The following SEC11C variants were observed in gnomAD, a reference collection of about 807,000 sequenced individuals.
The protein encoded by SEC11C is SEC11 homolog C, signal peptidase complex subunit.
A neutral mutation model predicts 21.9 loss-of-function variants in SEC11C; 10 were observed. The ratio of observed to expected loss-of-function variants is 0.46; its 90% CI spans 0.28 to 0.77. The LOEUF (loss-of-function observed/expected upper bound fraction) is 0.77, where lower values mean the gene tolerates loss of function less well. Ranked by LOEUF, SEC11C falls within the 30% of genes least tolerant of loss-of-function variation. SEC11C has a pLI of 0.12. For synonymous variants in SEC11C, 83 were observed against 85.6 expected (o/e 0.97, Z 0.17); for missense variants, 145 against 244.5 (o/e 0.59, Z 2.71).
At chr18:59,155,835 A>C in intron 4 of SEC11C, 28 bp downstream of exon 4, 1 of 1,608,256 alleles carries the variant, frequency 6.2e-7, no homozygotes, top group Admixed American at 1.7e-5. Context: ...AGTTATATAG[A>C]AGGTTATGAA....
intron 1 of SEC11C, among the ~76,000 whole-genome samples, chr18:59,148,910 C>T (rs2069313752): frequency 6.6e-6 from 1 of 152,222 alleles, no homozygotes; most frequent in Admixed American, 6.5e-5. Flanking sequence ...CCACTGTGCC[C>T]AGCCCCACCT....
At chr18:59,153,927 G>A (rs150103272) in intron 3 of SEC11C, among the ~76,000 whole-genome samples, 2 of 151,940 alleles carry the variant, frequency 1.3e-5, no homozygotes, top group African/African-American at 2.4e-5. Flanking sequence ...GGCTGATCTC[G>A]AACTCCTGAC....
At chr18:59,141,650 TA>T (rs1568062753) in intron 1 of SEC11C, among the ~76,000 whole-genome samples, 1 of 150,520 alleles carries the variant, frequency 6.6e-6, no homozygotes, top group African/African-American at 2.5e-5. Flanking sequence ...TGGTACTTTT[TA>T]AAAAAGCTTT....
chr18:59,149,787 GT>G (rs58746048), intron 2 of SEC11C, among the ~76,000 whole-genome samples, 165 bp downstream of exon 2: 2 of 151,644 alleles, frequency 1.3e-5, no homozygotes, highest in African/African-American at 2.4e-5. Context: ...AAAATGTTTC[GT>G]TTTTTTTCTG....
intron 1 of SEC11C, among the ~76,000 whole-genome samples, chr18:59,142,608 A>G (rs1189548332): frequency 2.0e-5 from 3 of 152,314 alleles, no homozygotes; most frequent in East Asian, 1.9e-4. Context: ...CTTTAGAAGC[A>G]GTGTTTTGTT....
At chr18:59,140,075 G>C in intron 1 of SEC11C, 40 bp downstream of exon 1, 1 of 1,526,802 alleles carries the variant, frequency 6.5e-7, no homozygotes, top group Non-Finnish European at 8.9e-7. Context: ...GGCCGGGACC[G>C]CCTGTGCTAG....
At chr18:59,151,197 T>C (rs538483667) in intron 2 of SEC11C, among the ~76,000 whole-genome samples, 4 of 152,356 alleles carry the variant, frequency 2.6e-5, no homozygotes, top group South Asian at 4.1e-4. Flanking sequence ...TGCAGGGATC[T>C]TTTCCTAGCT....
Position 59,139,968 on chromosome 18 carries a change from T to G in SEC11C, c.20T>G (p.Val7Gly). Residue 7 changes from valine to glycine, a missense_variant, in exon 1 of 6, where the codon GTG becomes GGG. Physicochemically the swap from Val to Gly is moderately radical, Grantham distance 109. Coordinates refer to ENST00000587834, the MANE Select transcript of SEC11C (RefSeq NM_033280.4). MVRAGA[V>G]GAHLPASGLD... is the part of the protein sequence containing the mutation. The stretch of plus-strand genomic sequence containing the variant: ...CCTGCTATGGTGCGTGCGGGCGCCG[T>G]GGGGGCTCATCTCCCCGCGTCCGGC... 2 of 1,590,498 alleles carry G rather than the reference T, an allele frequency of 1.3e-6. No individual in the cohort carries two copies. The highest frequency in any genetic ancestry group is 1.1e-5 in the South Asian group (1 of 88,570).
intron 5 of SEC11C, among the ~76,000 whole-genome samples, 158 bp downstream of exon 5, chr18:59,157,823 GCAA>G (rs1014183728): frequency 4.6e-5 from 7 of 152,154 alleles, no homozygotes; most frequent in Non-Finnish European, 8.8e-5. Context: ...ATTTAAAGCA[GCAA>G]CACTTAAATT....
At chr18:59,140,137 G>A (rs1195709756) in intron 1 of SEC11C, 102 bp downstream of exon 1, 4 of 1,108,222 alleles carry the variant, frequency 3.6e-6, no homozygotes, top group Non-Finnish European at 5.0e-6. Flanking sequence ...GAATGCGGCC[G>A]GGCGGCCACC....
intron 1 of SEC11C, among the ~76,000 whole-genome samples, chr18:59,141,281 G>A (rs916553765): frequency 1.3e-5 from 2 of 152,320 alleles, no homozygotes; most frequent in South Asian, 4.1e-4. Flanking sequence ...GATGACTCCT[G>A]TTTCTGGAAG....
intron 4 of SEC11C, chr18:59,156,042 TAAATC>T: frequency 2.6e-6 from 1 of 386,646 alleles, no homozygotes; most frequent in Non-Finnish European, 4.6e-6. Flanking sequence ...TGTTTCAAAA[TAAATC>T]CAGCCAGGCG....
intron 1 of SEC11C, among the ~76,000 whole-genome samples, chr18:59,141,677 T>TTTC (rs2069212339): frequency 6.6e-6 from 1 of 151,670 alleles, no homozygotes; most frequent in South Asian, 2.1e-4. Flanking sequence ...TTTTTTTTTT[T>TTTC]CTCTTCTTCC....
intron 2 of SEC11C, among the ~76,000 whole-genome samples, chr18:59,152,043 T>G (rs2069361033): frequency 6.6e-6 from 1 of 152,066 alleles, no homozygotes; most frequent in Non-Finnish European, 1.5e-5. Context: ...TCCGGTTTTG[T>G]CCCAGCCCTC....
In SEC11C at chr18:59,158,676, T is replaced by G. The variant is rs758648463; in HGVS notation, c.570T>G (p.Arg190=). 6.2e-7 allele frequency: 1 copy of G among 1,613,394 alleles called. No individual in the cohort carries two copies. Among genetic ancestry groups the G allele is most frequent in the South Asian group, 1.1e-5 (1 of 91,052 alleles). Residue 190 remains arginine, a synonymous_variant, in exon 6 of 6, where the codon CGT becomes CGG. Transcript: ENST00000587834. The stretch of plus-strand genomic sequence containing the variant: ...TGGGTGCATATGTGTTACTAAAACG[T>G]GAATCCTAAAATGAGAAGCAGTTCC... ...AVMGAYVLLK[R]ES
intron 2 of SEC11C, among the ~76,000 whole-genome samples, chr18:59,151,291 A>T (rs1334524203): frequency 6.6e-6 from 1 of 150,590 alleles, no homozygotes; most frequent in Non-Finnish European, 1.5e-5. Context: ...GGATGAAGCC[A>T]CAGATGAAAT....
intron 3 of SEC11C, among the ~76,000 whole-genome samples, chr18:59,154,803 T>A (rs2069400757): frequency 6.6e-6 from 1 of 152,188 alleles, no homozygotes; most frequent in Non-Finnish European, 1.5e-5. Context: ...CGGTGGCTTA[T>A]GCCTGTAATC....
chr18:59,150,469 G>A (rs2069335682), intron 2 of SEC11C, among the ~76,000 whole-genome samples: 2 of 152,220 alleles, frequency 1.3e-5, no homozygotes, highest in Admixed American at 6.5e-5. Context: ...TGGCCAAGGG[G>A]CACACTTCTA....
chr18:59,155,028 G>T (rs992177483), intron 3 of SEC11C, among the ~76,000 whole-genome samples: 6 of 152,172 alleles, frequency 3.9e-5, no homozygotes, highest in Admixed American at 6.5e-5. Context: ...TCGCACCAAG[G>T]CACTCCAGCT....
Sources: allele counts gnomAD v4.1 joint callset (sites outside exome capture counted in the v4.1 genomes callset), GRCh38; gene constraint gnomAD v4.1.1; transcripts MANE v1.5; gene names NCBI Gene and HGNC (gene_info 2026-07-23, HGNC 2026-07-21).